RBMS3: variants seen among roughly 807,000 people sequenced by gnomAD.
The protein encoded by RBMS3 is RNA binding motif single stranded interacting protein 3, also known as RNA-binding motif, single-stranded-interacting protein 3.
In RBMS3, 27 loss-of-function variants were observed where a neutral mutation model predicts 66.8. That is an observed-to-expected ratio of 0.40 (90% CI 0.30 to 0.56). The LOEUF (loss-of-function observed/expected upper bound fraction) is 0.56. Ranked by LOEUF, RBMS3 falls within the 20% of genes least tolerant of loss-of-function variation. RBMS3 has a pLI of 0.40. For missense variants in RBMS3, 513 were observed against 549.5 expected, an observed-to-expected ratio of 0.93 and a Z score of 0.66; for synonymous variants, 188 against 183.0, an observed-to-expected ratio of 1.03 and a Z score of -0.22.
At chr3:29,914,011 A>G (rs981204441) in intron 10 of RBMS3, among the ~76,000 whole-genome samples, 39 of 151,982 alleles carry the variant, frequency 2.6e-4, no homozygotes, top group African/African-American at 8.5e-4. Context: ...TGGATACTAC[A>G]TACACATTAC....
intron 4 of RBMS3, among the ~76,000 whole-genome samples, chr3:29,685,534 T>C (rs1014021119): frequency 6.6e-6 from 1 of 152,190 alleles, no homozygotes; most frequent in African/African-American, 2.4e-5. Flanking sequence ...ATCAGTTCTT[T>C]AGCCATTACT....
intron 1 of RBMS3, among the ~76,000 whole-genome samples, chr3:29,282,915 G>T (rs1231853175): frequency 6.6e-6 from 1 of 152,166 alleles, no homozygotes; most frequent in Non-Finnish European, 1.5e-5. Context: ...TTATACAAAA[G>T]ATTATTGCTT....
rs984114093 is a variant in RBMS3, at chr3:29,923,796, A to G, written c.940-12290A>G. 3.9e-5 allele frequency among the ~76,000 whole-genome samples: 6 copies of G among 152,178 alleles called. No homozygotes were observed. The East Asian group carries it at 9.6e-4, about 24-fold the overall frequency. On this transcript the variant is annotated intron_variant, in intron 10 of 14. Transcript: ENST00000383767. ...TTTTGTAAGGTAATATAAAAATGCT[A>G]TGTCACCAAGGCCACATAATGATAA...
At chr3:29,756,064 A>C (rs1181379238) in intron 5 of RBMS3, among the ~76,000 whole-genome samples, 1 of 152,228 alleles carries the variant, frequency 6.6e-6, no homozygotes, top group Non-Finnish European at 1.5e-5. Flanking sequence ...AATAATGGCA[A>C]AGTGGCTTCA....
intron 1 of RBMS3, among the ~76,000 whole-genome samples, chr3:29,304,203 G>T (rs2033862881): frequency 6.6e-6 from 1 of 151,998 alleles, no homozygotes; most frequent in Non-Finnish European, 1.5e-5. Flanking sequence ...TTCTAATCAT[G>T]TGCTGTCATT....
At position 29,514,665 on chromosome 3, in the gene RBMS3, A is replaced by ATATATG. The variant is rs543296742; in HGVS notation, c.307+26171_307+26172insGTATAT. On this transcript the variant is annotated intron_variant, in intron 3 of 14. Transcript: ENST00000383767. ...GTGATAGGCACATATATATATATAT[A>ATATATG]TATATATATATATATGATAGGCATA... Among the ~76,000 whole-genome samples the ATATATG allele has an allele frequency of 5.1e-3, 737 of 143,800 alleles. 29 individuals are homozygous for ATATATG. The highest frequency in any genetic ancestry group is 0.018 in the African/African-American group (707 of 38,394). The allele number at this position is 143,800 out of a possible 152,430, so 94.3% of individuals were successfully genotyped here.
intron 5 of RBMS3, among the ~76,000 whole-genome samples, chr3:29,754,621 G>T (rs1453763471): frequency 2.0e-5 from 3 of 152,110 alleles, no homozygotes; most frequent in African/African-American, 7.2e-5. Context: ...TCACCAAAAT[G>T]TCAACCTTAA....
chr3:29,374,764 A>C (rs1399320272), intron 1 of RBMS3, among the ~76,000 whole-genome samples: 6 of 152,244 alleles, frequency 3.9e-5, no homozygotes, highest in Non-Finnish European at 8.8e-5. Flanking sequence ...CTGTATTTGA[A>C]TAAATTACAG....
chr3:29,928,736 G>A (rs926757996), intron 10 of RBMS3, among the ~76,000 whole-genome samples: 4 of 151,898 alleles, frequency 2.6e-5, no homozygotes, highest in African/African-American at 4.8e-5. Context: ...CAGACTACTG[G>A]TCACTTGCTC....
intron 3 of RBMS3, among the ~76,000 whole-genome samples, chr3:29,564,892 A>G (rs917354616): frequency 6.6e-6 from 1 of 152,164 alleles, no homozygotes; most frequent in Non-Finnish European, 1.5e-5. Flanking sequence ...AAGAAAAAAA[A>G]AAGAATATCT....
At chr3:29,482,373 G>C (rs2043156708) in intron 2 of RBMS3, among the ~76,000 whole-genome samples, 1 of 152,040 alleles carries the variant, frequency 6.6e-6, no homozygotes, top group Admixed American at 6.5e-5. Context: ...TGCTATTTTT[G>C]TGCCAGATTT....
chr3:29,877,527 G>A (rs1047567816), intron 7 of RBMS3, among the ~76,000 whole-genome samples: 7 of 152,160 alleles, frequency 4.6e-5, no homozygotes, highest in African/African-American at 1.7e-4. Flanking sequence ...AGAACCATTA[G>A]CCCAGATTTT....
chr3:29,809,282 A>G (rs1019262055), intron 6 of RBMS3, among the ~76,000 whole-genome samples: 2 of 151,510 alleles, frequency 1.3e-5, no homozygotes, highest in Non-Finnish European at 3.0e-5. Flanking sequence ...CTACAACTAC[A>G]TAGAAATGAT....
At chr3:29,567,038 T>C (rs930988215) in intron 3 of RBMS3, among the ~76,000 whole-genome samples, 1 of 152,172 alleles carries the variant, frequency 6.6e-6, no homozygotes, top group African/African-American at 2.4e-5. Context: ...TCATGTGTTA[T>C]AGGTTTTTGT....
intron 6 of RBMS3, among the ~76,000 whole-genome samples, chr3:29,809,614 A>G (rs2057669001): frequency 6.6e-6 from 1 of 151,972 alleles, no homozygotes; most frequent in South Asian, 2.1e-4. Flanking sequence ...TTGCCTTAAT[A>G]GAAGGCAAAC....
Position 29,561,045 on chromosome 3 carries a change from C to G in RBMS3, c.308-26069C>G, listed in dbSNP as rs143809432. Among the ~76,000 whole-genome samples, 42 of 152,314 alleles carry G rather than the reference C, an allele frequency of 2.8e-4. No homozygotes were observed. In the East Asian group the frequency reaches 6.9e-3, roughly 25 times the overall value. Reference sequence around the variant, plus strand: ...TGAGGATAATGGCCTCCAGCGTCATCCATGTTCCTGCAAAAGACAGGATCT... The same window carrying G: ...TGAGGATAATGGCCTCCAGCGTCATGCATGTTCCTGCAAAAGACAGGATCT... On this transcript the variant is annotated intron_variant, in intron 3 of 14. Coordinates refer to ENST00000383767, the MANE Select transcript of RBMS3 (RefSeq NM_001003793.3).
In RBMS3 at chr3:29,488,539, G is replaced by A. The variant is rs563427635; in HGVS notation, c.307+40G>A. 85 of 1,548,540 alleles carry A rather than the reference G, an allele frequency of 5.5e-5. No individual in the cohort carries two copies. The South Asian group carries it at 9.2e-4, about 17-fold the overall frequency. Reference sequence around the variant, plus strand: ...ATCCGTACCCTGAAATCTTGCCTATGCTATCTGATTAATGGTTCTTCCATT... The same window carrying A: ...ATCCGTACCCTGAAATCTTGCCTATACTATCTGATTAATGGTTCTTCCATT... On this transcript the variant is annotated intron_variant, in intron 3 of 14. Transcript: ENST00000383767.
At chr3:29,620,304 A>G (rs909217253) in intron 4 of RBMS3, among the ~76,000 whole-genome samples, 1 of 152,114 alleles carries the variant, frequency 6.6e-6, no homozygotes, top group East Asian at 1.9e-4. Context: ...AAATTTTTTT[A>G]TACATTCCAG....
At chr3:29,461,673 A>G (rs1470674892) in intron 2 of RBMS3, among the ~76,000 whole-genome samples, 3 of 152,208 alleles carry the variant, frequency 2.0e-5, no homozygotes, top group Admixed American at 6.5e-5. Context: ...GAGGAAGTCT[A>G]AACTTATGAG....
Sources: allele counts gnomAD v4.1 joint callset (sites outside exome capture counted in the v4.1 genomes callset), GRCh38; gene constraint gnomAD v4.1.1; transcripts MANE v1.5; gene names NCBI Gene and HGNC (gene_info 2026-07-23, HGNC 2026-07-21).